TMTC1: variants seen among roughly 807,000 people sequenced by gnomAD.
TMTC1 encodes the protein protein O-mannosyl-transferase TMTC1.
Under a neutral mutation model 104.8 loss-of-function variants are expected in TMTC1, and 73 were observed. The observed-to-expected ratio is 0.70, with a 90% CI of 0.58 to 0.85. The LOEUF (loss-of-function observed/expected upper bound fraction) is 0.85. Ranked by LOEUF, TMTC1 falls within the 40% of genes least tolerant of loss-of-function variation. The pLI is 0.00. For missense variants in TMTC1, 1,035 were observed against 1,096.1 expected, an observed-to-expected ratio of 0.94 and a Z score of 0.79; for synonymous variants, 434 against 428.7, an observed-to-expected ratio of 1.01 and a Z score of -0.15.
In TMTC1 at chr12:29,502,146, AT is replaced by A. The variant is rs1399318421; in HGVS notation, c.*4699del. 1.3e-5 allele frequency: 2 copies of A among 152,152 alleles called. No homozygotes were observed. Among genetic ancestry groups the A allele is most frequent in the East Asian group, 3.8e-4 (2 of 5,196 alleles). The allele number at this position is 152,152 out of a possible 1,614,324, so 9.4% of individuals were successfully genotyped here. A position where few individuals can be genotyped will look rare whatever the true frequency, so the allele number is the denominator to read the frequency against. ...TTCTTTTTAAATGTCAAAAGATACC[AT>A]TTAAATAGCTAAGTTAACCTATATT... On this transcript the variant is annotated 3_prime_UTR_variant, in exon 18 of 18. Transcript: ENST00000539277.
intron 9 of TMTC1, among the ~76,000 whole-genome samples, chr12:29,563,904 A>C (rs940843522): frequency 2.0e-5 from 3 of 152,154 alleles, no homozygotes; most frequent in Admixed American, 6.5e-5. Flanking sequence ...AGTAAAGCTG[A>C]GCTGGAGCTG....
At chr12:29,610,427 T>C (rs1421335077) in intron 6 of TMTC1, among the ~76,000 whole-genome samples, 1 of 152,216 alleles carries the variant, frequency 6.6e-6, no homozygotes, top group East Asian at 1.9e-4. Context: ...TGAAACCAAT[T>C]TCTCAATAGC....
chr12:29,507,077 A>C, intron 17 of TMTC1, 91 bp from the exon 18 acceptor site: 1 of 1,057,486 alleles, frequency 9.5e-7, no homozygotes, highest in Admixed American at 1.9e-5. Flanking sequence ...CCCTCTGCCC[A>C]GTTTTACATT....
intron 4 of TMTC1, among the ~76,000 whole-genome samples, chr12:29,752,078 T>C (rs1320607300): frequency 2.0e-5 from 3 of 152,048 alleles, no homozygotes; most frequent in Non-Finnish European, 4.4e-5. Flanking sequence ...GACCTTATCG[T>C]ATTGACCTAG....
intron 5 of TMTC1, among the ~76,000 whole-genome samples, chr12:29,705,947 A>T (rs1941729279): frequency 2.6e-5 from 4 of 152,166 alleles, no homozygotes; most frequent in Admixed American, 2.6e-4. Context: ...CTGAAGAAAA[A>T]AAAAAGCATC....
At chr12:29,567,050 G>A (rs1945535591) in intron 9 of TMTC1, among the ~76,000 whole-genome samples, 1 of 152,112 alleles carries the variant, frequency 6.6e-6, no homozygotes, top group Non-Finnish European at 1.5e-5. Context: ...TTGAAAGCGG[G>A]GTTTAAAAGT....
chr12:29,654,880 G>GT lies in TMTC1; in HGVS notation c.939-21545dup, dbSNP rs1308551391. On this transcript the variant is annotated intron_variant, in intron 5 of 17. Coordinates refer to ENST00000539277, the MANE Select transcript of TMTC1 (RefSeq NM_001193451.2). ...AGAATACCACCTATTATATGATTCT[G>GT]TTTTTTGTTGTTGTTGTTGTTTTTA... is the stretch of plus-strand genomic sequence containing the variant. Among the ~76,000 whole-genome samples, 24 of 152,144 alleles carry GT rather than the reference G, an allele frequency of 1.6e-4. No homozygotes were observed. The East Asian group carries it at 2.9e-3, about 18-fold the overall frequency.
At chr12:29,519,755 T>C (rs1944095680) in intron 12 of TMTC1, 1 of 152,126 alleles carries the variant, frequency 6.6e-6, no homozygotes, top group South Asian at 2.1e-4. Context: ...TAAGACAGTT[T>C]ATTATTATGT....
chr12:29,521,369 C>A (rs299433), intron 11 of TMTC1, among the ~76,000 whole-genome samples: 4 of 151,782 alleles, frequency 2.6e-5, no homozygotes, highest in Non-Finnish European at 5.9e-5. Flanking sequence ...CTCTGAGCTG[C>A]TCCCTCCAAC....
At chr12:29,697,524 T>C (rs762284132) in intron 5 of TMTC1, among the ~76,000 whole-genome samples, 2 of 152,216 alleles carry the variant, frequency 1.3e-5, no homozygotes, top group Non-Finnish European at 2.9e-5. Flanking sequence ...TGTATGTGTG[T>C]GTATAGAAAG....
chr12:29,738,454 C>CT (rs1416443767), intron 5 of TMTC1, among the ~76,000 whole-genome samples: 1 of 152,194 alleles, frequency 6.6e-6, no homozygotes, highest in African/African-American at 2.4e-5. Context: ...CAGTTAACAG[C>CT]TATAGTCTCA....
chr12:29,700,168 C>G (rs181800327), intron 5 of TMTC1, among the ~76,000 whole-genome samples: 3 of 152,012 alleles, frequency 2.0e-5, no homozygotes, highest in African/African-American at 4.8e-5. Context: ...GCTGCCTCAG[C>G]CTCCCAAATA....
chr12:29,585,383 T>C (rs1322692460), intron 7 of TMTC1, among the ~76,000 whole-genome samples: 1 of 152,226 alleles, frequency 6.6e-6, no homozygotes, highest in Non-Finnish European at 1.5e-5. Context: ...TCTCCCATTC[T>C]GTAGGTTGCC....
At chr12:29,673,417 T>A (rs1940593273) in intron 5 of TMTC1, among the ~76,000 whole-genome samples, 1 of 152,162 alleles carries the variant, frequency 6.6e-6, no homozygotes, top group South Asian at 2.1e-4. Context: ...CAGAAATCCA[T>A]AATAATTAAG....
chr12:29,733,773 C>T (rs977538455), intron 5 of TMTC1, among the ~76,000 whole-genome samples: 2 of 152,180 alleles, frequency 1.3e-5, no homozygotes, highest in Non-Finnish European at 2.9e-5. Context: ...TCTTTCTCTC[C>T]ATTTCTGTGC....
At chr12:29,603,486 G>A (rs528938172) in intron 7 of TMTC1, among the ~76,000 whole-genome samples, 1 of 152,152 alleles carries the variant, frequency 6.6e-6, no homozygotes, top group East Asian at 1.9e-4. Context: ...GGCAAAAAAA[G>A]CTTTGTGTCT....
intron 9 of TMTC1, 53 bp from the exon 10 acceptor site, chr12:29,557,053 C>T (rs1003738585): frequency 1.0e-5 from 16 of 1,594,424 alleles, no homozygotes; most frequent in South Asian, 6.8e-5. Context: ...CTAAGTTGGG[C>T]ACAACTTGCT....
At chr12:29,587,243 C>T (rs1486820753) in intron 7 of TMTC1, among the ~76,000 whole-genome samples, 1 of 152,176 alleles carries the variant, frequency 6.6e-6, no homozygotes, top group Non-Finnish European at 1.5e-5. Flanking sequence ...ATAGTATTCT[C>T]TGATGGTAGT....
At chr12:29,635,871 A>T (rs1473671484) in intron 5 of TMTC1, among the ~76,000 whole-genome samples, 1 of 152,032 alleles carries the variant, frequency 6.6e-6, no homozygotes, top group Non-Finnish European at 1.5e-5. Context: ...GGGAGAGGGC[A>T]TTTGCAAATT....
Sources: gnomAD v4.1 joint callset for allele counts (sites outside exome capture counted in the v4.1 genomes callset) on GRCh38, gnomAD v4.1.1 for gene constraint, MANE v1.5 for transcripts, NCBI Gene and HGNC (gene_info 2026-07-23, HGNC 2026-07-21) for gene names.